The following MITF variants were observed in gnomAD, a reference collection of about 807,000 sequenced individuals.
MITF encodes microphthalmia-associated transcription factor.
A neutral mutation model predicts 60.5 loss-of-function variants in MITF; 17 were observed. That is an observed-to-expected ratio of 0.28 (90% CI 0.19 to 0.42). The LOEUF is 0.42. Among genes scored for constraint, MITF ranks in the 10% least tolerant of loss-of-function variants. The pLI, the probability that MITF is intolerant of heterozygous loss-of-function variation, is 1.00. For missense variants in MITF, 622 were observed against 683.5 expected (o/e 0.91, Z 1.00); for synonymous variants, 260 against 248.5 (o/e 1.05, Z -0.43).
intron 2 of MITF, among the ~76,000 whole-genome samples, chr3:69,932,916 G>A (rs1039533272): frequency 6.6e-6 from 1 of 152,104 alleles, no homozygotes; most frequent in African/African-American, 2.4e-5. Flanking sequence ...GATAACAATT[G>A]ATTAAAGGGT....
At chr3:69,924,204 C>T (rs2065533685) in intron 2 of MITF, among the ~76,000 whole-genome samples, 1 of 152,176 alleles carries the variant, frequency 6.6e-6, no homozygotes, top group African/African-American at 2.4e-5. Flanking sequence ...GCTTATTTTG[C>T]TAGTTAACAA....
At chr3:69,808,342 G>A (rs866292997) in intron 1 of MITF, among the ~76,000 whole-genome samples, 2 of 152,150 alleles carry the variant, frequency 1.3e-5, no homozygotes, top group Middle Eastern at 3.4e-3. Flanking sequence ...CTCTAGGGCA[G>A]CAGGTATAAA....
chr3:69,787,189 G>A (rs1380604010), intron 1 of MITF, among the ~76,000 whole-genome samples: 1 of 152,174 alleles, frequency 6.6e-6, no homozygotes, highest in African/African-American at 2.4e-5. Context: ...TGCATGTGAT[G>A]AAGGAATGGG....
intron 1 of MITF, among the ~76,000 whole-genome samples, chr3:69,746,168 T>G (rs538532631): frequency 2.0e-5 from 3 of 152,316 alleles, no homozygotes; most frequent in Non-Finnish European, 4.4e-5. Context: ...GGAGATTTCC[T>G]TTTCCCGATT....
chr3:69,910,945 G>A (rs934213901), intron 2 of MITF, among the ~76,000 whole-genome samples: 13 of 152,070 alleles, frequency 8.5e-5, no homozygotes, highest in African/African-American at 3.1e-4. Context: ...GAGGACATGA[G>A]ATTTGGAGGG....
At position 69,879,115 on chromosome 3, in the gene MITF, C is replaced by A. The variant is rs2107275455; in HGVS notation, c.105-19C>A. 1.2e-6 allele frequency: 2 copies of A among 1,606,512 alleles called. No individual in the cohort carries two copies. Among genetic ancestry groups the A allele is most frequent in the African/African-American group, 2.7e-5 (2 of 74,874 alleles). On this transcript the variant is annotated intron_variant, in intron 1 of 9. Transcript: ENST00000352241. ...TCATTAGGAAACTAAATGTTGTATG[C>A]ATTTTGGTTTTCCCACAGCAGTTCC... is the stretch of plus-strand genomic sequence containing the variant.
Position 69,739,530 on chromosome 3 carries a change from G to A in MITF, c.-68G>A, listed in dbSNP as rs1357747288. 1.4e-6 allele frequency: 2 copies of A among 1,424,816 alleles called. No homozygotes were observed. The highest frequency in any genetic ancestry group is 1.9e-6 in the Non-Finnish European group (2 of 1,032,256). 88.3% of individuals were successfully genotyped at this position (1,424,816 alleles called of 1,614,324 possible). A position where few individuals can be genotyped will look rare whatever the true frequency, so the allele number is the denominator to read the frequency against. On this transcript the variant is annotated 5_prime_UTR_variant, in exon 1 of 10. Coordinates refer to ENST00000352241, the MANE Select transcript of MITF (RefSeq NM_001354604.2). The stretch of plus-strand genomic sequence containing the variant: ...GCACGGCTCGGGGGACCCAGGCCCA[G>A]CTACCTTCCCTCCGCCCCCGGGCTC...
At chr3:69,962,736 A>G (rs1448747531) in intron 9 of MITF, among the ~76,000 whole-genome samples, 1 of 152,190 alleles carries the variant, frequency 6.6e-6, no homozygotes, top group Non-Finnish European at 1.5e-5. Context: ...CCAGGGATAC[A>G]CTCAGAAAGG....
At chr3:69,806,538 A>G (rs1237179852) in intron 1 of MITF, among the ~76,000 whole-genome samples, 1 of 152,110 alleles carries the variant, frequency 6.6e-6, no homozygotes, top group African/African-American at 2.4e-5. Flanking sequence ...GACCATTACA[A>G]ATTTTTGCAT....
At position 69,789,766 on chromosome 3, in the gene MITF, G is replaced by A. The variant is rs543447898; in HGVS notation, c.104+50065G>A. Among the ~76,000 whole-genome samples, 37 of 152,214 alleles carry A rather than the reference G, an allele frequency of 2.4e-4. 1 individual carries two copies. The highest frequency in any genetic ancestry group is 3.4e-3 in the Middle Eastern group (1 of 294). ...ACATACTTGGGAGGCTGAGGCGTGC[G>A]AATTGCTTGAACCCAGGAGGCAGAG... On this transcript the variant is annotated intron_variant, in intron 1 of 9. Transcript: ENST00000352241.
At chr3:69,763,723 G>A in intron 1 of MITF, 1 of 1,334,536 alleles carries the variant, frequency 7.5e-7, no homozygotes, top group South Asian at 1.4e-5. Flanking sequence ...TCTGTAGCTT[G>A]TTTGGTCAGT....
intron 1 of MITF, among the ~76,000 whole-genome samples, chr3:69,806,248 C>A (rs950023413): frequency 3.9e-5 from 6 of 151,916 alleles, no homozygotes; most frequent in Non-Finnish European, 8.8e-5. Context: ...CTATGCCTGG[C>A]TAATTTTTGT....
At chr3:69,886,503 C>T (rs1430300597) in intron 2 of MITF, among the ~76,000 whole-genome samples, 1 of 152,050 alleles carries the variant, frequency 6.6e-6, no homozygotes, top group Non-Finnish European at 1.5e-5. Context: ...TGCTTATAAG[C>T]ACACATCCTA....
chr3:69,909,505 G>C (rs2065176381), intron 2 of MITF, among the ~76,000 whole-genome samples: 2 of 152,144 alleles, frequency 1.3e-5, no homozygotes, highest in Non-Finnish European at 2.9e-5. Context: ...GGGCTAGGAA[G>C]GAGACAGAAA....
intron 1 of MITF, among the ~76,000 whole-genome samples, chr3:69,772,679 GTA>G (rs1028089663): frequency 6.6e-6 from 1 of 152,126 alleles, no homozygotes; most frequent in African/African-American, 2.4e-5. Context: ...TTAAAAGTGG[GTA>G]CATAGTGATA....
intron 1 of MITF, among the ~76,000 whole-genome samples, chr3:69,850,080 C>G (rs905288171): frequency 6.6e-6 from 1 of 152,026 alleles, no homozygotes; most frequent in African/African-American, 2.4e-5. Context: ...AGTATTTGAC[C>G]AAAAAGATCA....
intron 1 of MITF, among the ~76,000 whole-genome samples, chr3:69,807,310 T>A (rs527282568): frequency 6.6e-6 from 1 of 152,316 alleles, no homozygotes; most frequent in South Asian, 2.1e-4. Flanking sequence ...CTTGGCAACC[T>A]AAGGATCTCT....
chr3:69,901,375 C>T (rs1395225807), intron 2 of MITF, among the ~76,000 whole-genome samples: 2 of 152,036 alleles, frequency 1.3e-5, no homozygotes, highest in Non-Finnish European at 2.9e-5. Flanking sequence ...ACAATTTTTA[C>T]TATTTCCATT....
intron 1 of MITF, among the ~76,000 whole-genome samples, chr3:69,773,355 G>A (rs2062422557): frequency 6.6e-6 from 1 of 152,180 alleles, no homozygotes; most frequent in Non-Finnish European, 1.5e-5. Context: ...ATTAAAAATT[G>A]GGAGCCGTTG....
Sources: allele counts gnomAD v4.1 joint callset (sites outside exome capture counted in the v4.1 genomes callset), GRCh38; gene constraint gnomAD v4.1.1; transcripts MANE v1.5; gene names NCBI Gene and HGNC (gene_info 2026-07-23, HGNC 2026-07-21).